Variants in CNTNAP1 observed in about 807,000 individuals in gnomAD.
CNTNAP1 encodes contactin-associated protein 1.
In CNTNAP1, 80 loss-of-function variants were observed where a neutral mutation model predicts 161.5. The ratio of observed to expected loss-of-function variants is 0.50; its 90% CI spans 0.41 to 0.60. CNTNAP1 has a LOEUF of 0.60. CNTNAP1 is among the 20% of genes least tolerant of loss of function. The pLI is 0.00. For missense variants in CNTNAP1, 1,464 were observed against 1,854.8 expected (o/e 0.79, Z 3.87); for synonymous variants, 695 against 733.1 (o/e 0.95, Z 0.84).
In CNTNAP1 at chr17:42,692,715, A is replaced by G. The variant is rs369859767; in HGVS notation, c.2747A>G (p.Tyr916Cys). 105 of 1,605,922 alleles carry G rather than the reference A, an allele frequency of 6.5e-5. No homozygotes were observed. The Middle Eastern group carries it at 1.0e-3, about 16-fold the overall frequency. The change falls in exon 17 of 24, where the codon TAT becomes TGT. Residue 916 changes from tyrosine (Y) to cysteine (C), a missense_variant. Physicochemically the swap from Tyr to Cys is radical, Grantham distance 194 (BLOSUM62 -2). This residue lies in a region of CNTNAP1 where 1,383 missense variants were observed against 1,765.0 expected (regional missense o/e 0.78). Coordinates refer to ENST00000264638, the MANE Select transcript of CNTNAP1 (RefSeq NM_003632.3). ...YIWMEYDQPL[Y>C]VGSAELKRRP... Reference sequence around the variant, plus strand: ...TGGATGGAGTATGACCAGCCCCTCTATGTGGGTAAGCAGCAACCCAGAGGC... The same window carrying G: ...TGGATGGAGTATGACCAGCCCCTCTGTGTGGGTAAGCAGCAACCCAGAGGC...
chr17:42,690,893 A>G lies in CNTNAP1; in HGVS notation c.2010A>G (p.Glu670=). 6.2e-7 allele frequency: 1 copy of G among 1,614,218 alleles called. No individual in the cohort carries two copies. Among genetic ancestry groups the G allele is most frequent in the Non-Finnish European group, 8.5e-7 (1 of 1,180,038 alleles). Residue 670 remains glutamate (E), a synonymous_variant, in exon 13 of 24, where the codon GAA becomes GAG. Coordinates refer to ENST00000264638, the MANE Select transcript of CNTNAP1 (RefSeq NM_003632.3). ...SALANASQHC[E]QWIEFSCYNS... is the part of the protein sequence containing the mutation. ...TTGCCAATGCTTCCCAGCATTGTGA[A>G]CAGTGGATCGAGTTCTCCTGCTACA... is the stretch of plus-strand genomic sequence containing the variant.
In CNTNAP1 at chr17:42,697,690, A is replaced by G; in HGVS notation, c.3705A>G (p.Leu1235=). The G allele has an allele frequency of 6.2e-7, 1 of 1,614,164 alleles. No homozygotes were observed. The highest frequency in any genetic ancestry group is 8.5e-7 in the Non-Finnish European group (1 of 1,180,034). Residue 1235 remains leucine (L), a synonymous_variant, in exon 22 of 24, where the codon CTA becomes CTG. Transcript: ENST00000264638. ...FRTPRPMTAE[L]AEALRVQGEL... Reference sequence around the variant, plus strand: ...CCCCTCGACCCATGACTGCTGAGCTAGCTGAGGCCCTTCGAGTTCAGGGAG... The same window carrying G: ...CCCCTCGACCCATGACTGCTGAGCTGGCTGAGGCCCTTCGAGTTCAGGGAG...
chr17:42,692,893 C>A (rs941383264), intron 17 of CNTNAP1, among the ~76,000 whole-genome samples, 173 bp downstream of exon 17: 1 of 152,206 alleles, frequency 6.6e-6, no homozygotes, highest in East Asian at 1.9e-4. Context: ...ATTCTTCCAG[C>A]CCTCTTGGCT....
rs1691468886 is a variant in CNTNAP1, at chr17:42,687,175, A to G, written c.1044+129A>G. ...CCCTCTGTCCCCAGCCAGATGCTCA[A>G]GTTGGGAGGGGAGCGGGTCTCACCT... On this transcript the variant is annotated intron_variant, in intron 7 of 23. Coordinates refer to ENST00000264638, the MANE Select transcript of CNTNAP1 (RefSeq NM_003632.3). The surrounding 1 kb of genome is among the most constrained non-coding windows in gnomAD (Gnocchi z 4.7). 7 of 1,345,412 alleles carry G rather than the reference A, an allele frequency of 5.2e-6. No homozygotes were observed. The highest frequency in any genetic ancestry group is 7.1e-6 in the Non-Finnish European group (7 of 992,124). The allele number at this position is 1,345,412 out of a possible 1,614,324, so 83.3% of individuals were successfully genotyped here. A position where few individuals can be genotyped will look rare whatever the true frequency, so the allele number is the denominator to read the frequency against.
intron 11 of CNTNAP1, 47 bp downstream of exon 11, chr17:42,689,674 T>C (rs749974391): frequency 2.7e-6 from 4 of 1,474,628 alleles, no homozygotes; most frequent in Non-Finnish European, 2.8e-6. Context: ...GGGAGGTCAA[T>C]AGAAGGTTGC....
chr17:42,691,968 C>T lies in CNTNAP1; in HGVS notation c.2507C>T (p.Pro836Leu). Residue 836 changes from proline to leucine, a missense_variant, in exon 16 of 24, where the codon CCT becomes CTT. Transcript: ENST00000264638. The surrounding 1 kb of genome is among the most constrained non-coding windows in gnomAD (Gnocchi z 4.3). ...GGCCCTTACTGCCAGTGGCGCCGAC[C>T]TTATGTGCGGGTGGAACTCAACAGT... ...MGGPYCQWRR[P>L]YVRVELNTSR... 1.2e-6 allele frequency: 2 copies of T among 1,614,062 alleles called. No individual in the cohort carries two copies.
intron 6 of CNTNAP1, among the ~76,000 whole-genome samples, chr17:42,686,404 C>T (rs1262295708): frequency 6.7e-6 from 1 of 149,902 alleles, no homozygotes; most frequent in East Asian, 2.0e-4. Context: ...TCAAAGACCT[C>T]GCATTCCAAT....
Position 42,691,734 on chromosome 17 carries a change from C to A in CNTNAP1, c.2345-72C>A. 5 of 1,536,886 alleles carry A rather than the reference C, an allele frequency of 3.3e-6. No individual in the cohort carries two copies. The highest frequency in any genetic ancestry group is 4.5e-6 in the Non-Finnish European group (5 of 1,117,864). On this transcript the variant is annotated intron_variant, in intron 15 of 23. Coordinates refer to ENST00000264638, the MANE Select transcript of CNTNAP1 (RefSeq NM_003632.3). The surrounding 1 kb of genome is among the most constrained non-coding windows in gnomAD (Gnocchi z 4.3). ...CCCCTTTGCCCAACCTTCCCTGCCC[C>A]CAACCCCAGGTTCTCTTCCTCCTCC...
Position 42,689,419 on chromosome 17 carries a change from G to A in CNTNAP1, c.1629-102G>A, listed in dbSNP as rs1450284347. On this transcript the variant is annotated intron_variant, in intron 10 of 23. Coordinates refer to ENST00000264638, the MANE Select transcript of CNTNAP1 (RefSeq NM_003632.3). ...GGCTAGGCGGGGTGTGTCTCACCGGGTTCTGGGGCTTCAAGGAGCTGGGAG... is the reference window on the plus strand; with the variant it reads ...GGCTAGGCGGGGTGTGTCTCACCGGATTCTGGGGCTTCAAGGAGCTGGGAG... 5 of 920,378 alleles carry A rather than the reference G, an allele frequency of 5.4e-6. No homozygotes were observed. The East Asian group carries it at 1.1e-4, about 19-fold the overall frequency. The allele number at this position is 920,378 out of a possible 1,614,324, so 57.0% of individuals were successfully genotyped here.
In CNTNAP1 at chr17:42,697,970, A is replaced by C. The variant is rs373035167; in HGVS notation, c.3862+20A>C. The C allele has an allele frequency of 1.5e-4, 238 of 1,613,872 alleles. 1 individual carries two copies. The highest frequency in any genetic ancestry group is 6.9e-5 in the Non-Finnish European group (82 of 1,179,862). On this transcript the variant is annotated intron_variant, in intron 23 of 23. Transcript: ENST00000264638. ...TAGGCTGTGAGTAGCACTGATCACTAAGCTGACCTCCCAAGACTACCCTCT... is the reference window on the plus strand; with the variant it reads ...TAGGCTGTGAGTAGCACTGATCACTCAGCTGACCTCCCAAGACTACCCTCT...
In CNTNAP1 at chr17:42,685,910, G is replaced by A. The variant is rs1170592596; in HGVS notation, c.716-47G>A. ...CTCTGCCTAGGAGCTTGGACTCCAT[G>A]GAGTTCTCCTGGCTTGAGGTTTCAC... is the stretch of plus-strand genomic sequence containing the variant. On this transcript the variant is annotated intron_variant, in intron 5 of 23. Transcript: ENST00000264638. The surrounding 1 kb of genome is among the most constrained non-coding windows in gnomAD (Gnocchi z 5.0). The A allele has an allele frequency of 1.6e-5, 26 of 1,599,502 alleles. No individual in the cohort carries two copies. Among genetic ancestry groups the A allele is most frequent in the Non-Finnish European group, 2.1e-5 (25 of 1,168,936 alleles).
At chr17:42,683,444 G>A in intron 1 of CNTNAP1, 1 of 1,101,136 alleles carries the variant, frequency 9.1e-7, no homozygotes, top group Non-Finnish European at 1.1e-6. Context: ...GGTTTTGGGG[G>A]CCGAGTTGGA....
At chr17:42,692,923 T>G (rs1303745667) in intron 17 of CNTNAP1, among the ~76,000 whole-genome samples, 1 of 152,070 alleles carries the variant, frequency 6.6e-6, no homozygotes, top group Non-Finnish European at 1.5e-5. Context: ...ACTACAATAC[T>G]TCATCCTGTC....
rs767499309 is a variant in CNTNAP1 at position 42,695,692 on chromosome 17, C to T, written c.3164C>T (p.Pro1055Leu). ...TPGYVPGYHG[P>L]GYRLPDYPRP... ...GGCTATGTGCCTGGCTACCATGGCC[C>T]CGGGTACCGCCTGCCCGACTACCCC... The change falls in exon 19 of 24, where the codon CCC becomes CTC. Residue 1055 changes from proline to leucine, a missense_variant. Physicochemically the swap from Pro to Leu is moderately conservative, Grantham distance 98. This residue lies in a region of CNTNAP1 where 1,383 missense variants were observed against 1,765.0 expected (regional missense o/e 0.78). Transcript: ENST00000264638. The T allele has an allele frequency of 6.2e-7, 1 of 1,614,056 alleles. No homozygotes were observed. The highest frequency in any genetic ancestry group is 8.5e-7 in the Non-Finnish European group (1 of 1,180,048).
chr17:42,683,311 T>C, intron 1 of CNTNAP1: 1 of 1,075,000 alleles, frequency 9.3e-7, no homozygotes, highest in Non-Finnish European at 1.1e-6. Context: ...GGGGCTGGGT[T>C]TTGTGGCAGG....
In CNTNAP1 at chr17:42,687,517, G is replaced by A. The variant is rs981464391; in HGVS notation, c.1045-203G>A. ...AGATCAGCGAGAGCAAGCGAGCAGAGTTCCGAGGGCCGACTGGGTTGGGGC... is the reference window on the plus strand; with the variant it reads ...AGATCAGCGAGAGCAAGCGAGCAGAATTCCGAGGGCCGACTGGGTTGGGGC... On this transcript the variant is annotated intron_variant, in intron 7 of 23. Transcript: ENST00000264638. The surrounding 1 kb of genome is among the most constrained non-coding windows in gnomAD (Gnocchi z 4.7). The A allele has an allele frequency of 3.2e-6, 2 of 634,512 alleles. No individual in the cohort carries two copies. The highest frequency in any genetic ancestry group is 2.8e-5 in the East Asian group (1 of 36,120). The allele number at this position is 634,512 out of a possible 1,614,324, so 39.3% of individuals were successfully genotyped here.
At position 42,684,235 on chromosome 17, in the gene CNTNAP1, CTG is replaced by C; in HGVS notation, c.363+7_363+8del. On this transcript the variant is annotated splice_region_variant and intron_variant, in intron 3 of 23. Transcript: ENST00000264638. ...ACCAGCGAGGGCACAACTCGGTACTCTGGGCGCCAAGGCGGTAACACTTGGGG... is the reference window on the plus strand; with the variant it reads ...ACCAGCGAGGGCACAACTCGGTACTCGGCGCCAAGGCGGTAACACTTGGGG... 2 of 1,609,404 alleles carry C rather than the reference CTG, an allele frequency of 1.2e-6. No individual in the cohort carries two copies. Among genetic ancestry groups the C allele is most frequent in the Non-Finnish European group, 1.7e-6 (2 of 1,176,814 alleles).
chr17:42,693,819 C>T (rs945998960), intron 18 of CNTNAP1, among the ~76,000 whole-genome samples: 4 of 151,786 alleles, frequency 2.6e-5, no homozygotes, highest in African/African-American at 7.3e-5. Flanking sequence ...GCTAGGAGTT[C>T]GAGACCAGCC....
chr17:42,689,367 C>T (rs532583281), intron 10 of CNTNAP1, among the ~76,000 whole-genome samples, 154 bp from the exon 11 acceptor site: 17 of 152,124 alleles, frequency 1.1e-4, no homozygotes, highest in African/African-American at 3.9e-4. Context: ...CTGCCTAGTG[C>T]CCCTGCATCT....
Sources: gnomAD v4.1 joint callset for allele counts (sites outside exome capture counted in the v4.1 genomes callset) on GRCh38, gnomAD v4.1.1 for gene constraint, gnomAD v4.1.1 regional missense constraint, Gnocchi (gnomAD v3.1) non-coding constraint, MANE v1.5 for transcripts, NCBI Gene and HGNC (gene_info 2026-07-23, HGNC 2026-07-21) for gene names.